Variants in GPR158 observed in about 807,000 individuals in gnomAD.
GPR158 encodes G protein-coupled receptor 158, also known as metabotropic glycine receptor.
In GPR158, 30 loss-of-function variants were observed where a neutral mutation model predicts 78.2. That is an observed-to-expected ratio of 0.38 (90% confidence interval 0.29 to 0.52). GPR158 has a LOEUF of 0.52. Among genes scored for constraint, GPR158 ranks in the 20% least tolerant of loss-of-function variants. The probability of loss-of-function intolerance (pLI) is 0.83; values close to 1 mark genes in which losing one functional copy is unlikely to be tolerated. For missense variants in GPR158, 1,463 were observed against 1,523.5 expected (o/e 0.96, Z 0.66); for synonymous variants, 581 against 591.1 (o/e 0.98, Z 0.25).
intron 6 of GPR158, among the ~76,000 whole-genome samples, chr10:25,566,751 A>T (rs1323974982): frequency 2.0e-5 from 3 of 152,218 alleles, no homozygotes; most frequent in Non-Finnish European, 2.9e-5. Context: ...TATGCCAGTG[A>T]TGCCAGTCTT....
rs151315490 is a variant in GPR158, at chr10:25,600,618, T to C, written c.*1344T>C. On this transcript the variant is annotated 3_prime_UTR_variant, in exon 11 of 11. Coordinates refer to ENST00000376351, the MANE Select transcript of GPR158 (RefSeq NM_020752.3). ...TCTTATTCATTGCTTCAGCTACAGGTAGAACTTGCTGGGCTCAAATCCCAA... is the reference window on the plus strand; with the variant it reads ...TCTTATTCATTGCTTCAGCTACAGGCAGAACTTGCTGGGCTCAAATCCCAA... 12 of 152,740 alleles carry C rather than the reference T, an allele frequency of 7.9e-5. No homozygotes were observed. The East Asian group carries it at 2.3e-3, about 29-fold the overall frequency. 9.5% of individuals were successfully genotyped at this position (152,740 alleles called of 1,614,324 possible).
At chr10:25,245,117 C>G (rs1213378381) in intron 2 of GPR158, among the ~76,000 whole-genome samples, 1 of 152,154 alleles carries the variant, frequency 6.6e-6, no homozygotes, top group Non-Finnish European at 1.5e-5. Flanking sequence ...GTCCATTGCT[C>G]CTAGAGAATA....
chr10:25,287,468 T>C (rs1854368735), intron 2 of GPR158, among the ~76,000 whole-genome samples: 1 of 152,132 alleles, frequency 6.6e-6, no homozygotes, highest in Non-Finnish European at 1.5e-5. Flanking sequence ...AATCTTTTTC[T>C]GTTTGTTTGT....
intron 7 of GPR158, among the ~76,000 whole-genome samples, chr10:25,577,590 C>T (rs1323727491): frequency 6.6e-6 from 1 of 152,172 alleles, no homozygotes; most frequent in African/African-American, 2.4e-5. Flanking sequence ...ATGGGTCATA[C>T]ATTGAAAGAC....
In GPR158 at chr10:25,445,261, TA is replaced by T. The variant is rs1436358854; in HGVS notation, c.1336-21386del. On this transcript the variant is annotated intron_variant, in intron 4 of 10. Coordinates refer to ENST00000376351, the MANE Select transcript of GPR158 (RefSeq NM_020752.3). ...AGAAAATATGATATTTGAACTGCTT[TA>T]AAAGATGCATAAGACTTTCCTAGAT... Among the ~76,000 whole-genome samples, 23 of 152,254 alleles carry T rather than the reference TA, an allele frequency of 1.5e-4. 2 individuals are homozygous for T. The South Asian group carries it at 4.8e-3, about 32-fold the overall frequency.
intron 1 of GPR158, among the ~76,000 whole-genome samples, chr10:25,204,110 T>G (rs1217662972): frequency 6.6e-6 from 1 of 152,216 alleles, no homozygotes; most frequent in Non-Finnish European, 1.5e-5. Context: ...TTTTGTATCC[T>G]GAGACTTTGC....
intron 5 of GPR158, among the ~76,000 whole-genome samples, chr10:25,535,606 C>T (rs112610695): frequency 0.013 from 2,014 of 152,302 alleles, 37 homozygotes; most frequent in African/African-American, 0.046. Flanking sequence ...GGATGAATGA[C>T]CCACTGAAAC....
chr10:25,207,633 T>G (rs547962631), intron 1 of GPR158, among the ~76,000 whole-genome samples: 2 of 152,278 alleles, frequency 1.3e-5, no homozygotes, highest in African/African-American at 4.8e-5. Flanking sequence ...TAATGCTCAC[T>G]CACCTGCTGC....
intron 7 of GPR158, 109 bp downstream of exon 7, chr10:25,572,996 A>C: frequency 2.8e-6 from 2 of 707,468 alleles, no homozygotes; most frequent in Non-Finnish European, 5.1e-6. Context: ...AACTAATCTC[A>C]CCTAATGTGA....
At chr10:25,531,263 T>C (rs1836418887) in intron 5 of GPR158, among the ~76,000 whole-genome samples, 1 of 152,224 alleles carries the variant, frequency 6.6e-6, no homozygotes, top group Non-Finnish European at 1.5e-5. Context: ...TATGTTGTCC[T>C]GGGCAAGTTA....
intron 2 of GPR158, among the ~76,000 whole-genome samples, chr10:25,280,143 G>A (rs555468763): frequency 2.6e-5 from 4 of 152,054 alleles, no homozygotes; most frequent in South Asian, 2.1e-4. Flanking sequence ...AATAAACAAC[G>A]GTAAAAATGA....
chr10:25,447,182 A>T (rs1288385642), intron 4 of GPR158, among the ~76,000 whole-genome samples: 2 of 152,216 alleles, frequency 1.3e-5, no homozygotes, highest in South Asian at 2.1e-4. Context: ...ATAATATTTT[A>T]AAAATAATTT....
At chr10:25,317,026 T>G (rs1356174780) in intron 2 of GPR158, among the ~76,000 whole-genome samples, 1 of 151,536 alleles carries the variant, frequency 6.6e-6, no homozygotes, top group Admixed American at 6.6e-5. Context: ...ACTACTTTCT[T>G]TGAGATTTTT....
At chr10:25,323,115 G>T (rs934170136) in intron 2 of GPR158, among the ~76,000 whole-genome samples, 2 of 152,110 alleles carry the variant, frequency 1.3e-5, no homozygotes, top group African/African-American at 2.4e-5. Flanking sequence ...AAAGTGCTGG[G>T]ATTACAGTTG....
chr10:25,434,585 C>T (rs1588862762), intron 4 of GPR158, among the ~76,000 whole-genome samples: 1 of 152,100 alleles, frequency 6.6e-6, no homozygotes, highest in Non-Finnish European at 1.5e-5. Flanking sequence ...GAATGTTTAG[C>T]TAGGTTTATG....
chr10:25,564,977 G>A (rs1836909507), intron 6 of GPR158, among the ~76,000 whole-genome samples: 1 of 152,102 alleles, frequency 6.6e-6, no homozygotes, highest in Non-Finnish European at 1.5e-5. Context: ...ATGAAAACAG[G>A]TAGATAACTG....
chr10:25,335,846 G>T (rs890327043), intron 2 of GPR158, among the ~76,000 whole-genome samples: 1 of 151,966 alleles, frequency 6.6e-6, no homozygotes, highest in Non-Finnish European at 1.5e-5. Flanking sequence ...TCAGAAATAT[G>T]ACTAAGTGAC....
intron 2 of GPR158, among the ~76,000 whole-genome samples, chr10:25,263,928 C>T (rs1194932502): frequency 6.6e-6 from 1 of 152,132 alleles, no homozygotes; most frequent in East Asian, 1.9e-4. Context: ...CAGAGTGAGA[C>T]TGTCTTTAAA....
At chr10:25,369,314 T>G (rs942458604) in intron 2 of GPR158, among the ~76,000 whole-genome samples, 108 of 150,430 alleles carry the variant, frequency 7.2e-4, no homozygotes, top group Admixed American at 1.1e-3. Context: ...TTGTCATAGA[T>G]AGCTCTTATT....
Sources: allele counts gnomAD v4.1 joint callset (sites outside exome capture counted in the v4.1 genomes callset), GRCh38; gene constraint gnomAD v4.1.1; transcripts MANE v1.5; gene names NCBI Gene and HGNC (gene_info 2026-07-23, HGNC 2026-07-21).